The following OTUD7A variants were observed in gnomAD, a reference collection of about 807,000 sequenced individuals.
OTUD7A encodes OTU domain-containing protein 7A.
Under a neutral mutation model 65.7 loss-of-function variants are expected in OTUD7A, and 12 were observed. The observed-to-expected ratio is 0.18, with a 90% CI of 0.12 to 0.30. The LOEUF is 0.30. OTUD7A is among the 10% of genes least tolerant of loss of function. OTUD7A has a pLI of 1.00. For synonymous variants in OTUD7A, 641 were observed against 586.3 expected, an observed-to-expected ratio of 1.09 and a Z score of -1.35; for missense variants, 1,148 against 1,304.8, an observed-to-expected ratio of 0.88 and a Z score of 1.85.
chr15:31,624,930 G>A (rs982387945), intron 3 of OTUD7A, among the ~76,000 whole-genome samples: 9 of 152,134 alleles, frequency 5.9e-5, no homozygotes, highest in Admixed American at 1.3e-4. Flanking sequence ...CCCTCTGTGT[G>A]GCCCCCTCCA....
At position 31,483,301 on chromosome 15, in the gene OTUD7A, C is replaced by A; in HGVS notation, c.2795G>T (p.Arg932Leu). ...LRRRREARGA[R>L]P is the part of the protein sequence containing the mutation. ...CGCGCCGCGCCGCGCCGCTCAGGGCCGGGCCCCGCGCGCCTCGCGCCGCCG... is the reference window on the plus strand; with the variant it reads ...CGCGCCGCGCCGCGCCGCTCAGGGCAGGGCCCCGCGCGCCTCGCGCCGCCG... Residue 932 changes from arginine (R) to leucine (L), a missense_variant, in exon 13 of 13, where the codon CGG becomes CTG. Physicochemically the swap from Arg to Leu is moderately radical, Grantham distance 102. Around this residue, in one of 6 missense-constraint regions of OTUD7A, gnomAD observed 842 missense variants for 769.5 expected, o/e 1.09. Transcript: ENST00000307050. 8.5e-7 allele frequency: 1 copy of A among 1,174,138 alleles called. No individual in the cohort carries two copies. The highest frequency in any genetic ancestry group is 1.1e-6 in the Non-Finnish European group (1 of 949,960). The allele number at this position is 1,174,138 out of a possible 1,614,324, so 72.7% of individuals were successfully genotyped here.
intron 1 of OTUD7A, among the ~76,000 whole-genome samples, chr15:31,865,886 T>C (rs1456882588): frequency 5.9e-5 from 9 of 152,252 alleles, no homozygotes; most frequent in Admixed American, 5.9e-4. Flanking sequence ...TCTAATTTTA[T>C]ATTTCATAAA....
Position 31,487,314 on chromosome 15 carries a change from A to G in OTUD7A, c.1287-36T>C, listed in dbSNP as rs2041251784. 6.2e-7 allele frequency: 1 copy of G among 1,609,466 alleles called. No homozygotes were observed. The highest frequency in any genetic ancestry group is 8.5e-7 in the Non-Finnish European group (1 of 1,176,242). On this transcript the variant is annotated intron_variant, in intron 11 of 12. Transcript: ENST00000307050. This position sits in a 1 kb window ranked among gnomAD's most constrained non-coding sequence, Gnocchi z 6.0. Reference sequence around the variant, plus strand: ...AAGAATATCCTATTGAAATGGTCTGAGCTGGCCCTTATAGCACCCAGTCCA... The same window carrying G: ...AAGAATATCCTATTGAAATGGTCTGGGCTGGCCCTTATAGCACCCAGTCCA...
At chr15:31,828,347 CTG>C (rs1301622470) in intron 1 of OTUD7A, among the ~76,000 whole-genome samples, 1 of 151,880 alleles carries the variant, frequency 6.6e-6, no homozygotes, top group African/African-American at 2.4e-5. Flanking sequence ...GGACACATAA[CTG>C]TGTTTATTTC....
chr15:31,745,190 A>C (rs1185201589), intron 1 of OTUD7A, among the ~76,000 whole-genome samples: 2 of 152,162 alleles, frequency 1.3e-5, no homozygotes, highest in African/African-American at 4.8e-5. Flanking sequence ...GTAGAAACTG[A>C]CAAAATTATT....
At chr15:31,533,993 T>C (rs902995063) in intron 5 of OTUD7A, among the ~76,000 whole-genome samples, 1 of 152,232 alleles carries the variant, frequency 6.6e-6, no homozygotes, top group Non-Finnish European at 1.5e-5. Flanking sequence ...TATGTGTATA[T>C]AATGTAATAA....
At chr15:31,613,245 C>T (rs1367972826) in intron 3 of OTUD7A, among the ~76,000 whole-genome samples, 1 of 152,144 alleles carries the variant, frequency 6.6e-6, no homozygotes, top group East Asian at 1.9e-4. Context: ...GCAAGGATTT[C>T]ATGAGCAAGA....
chr15:31,786,572 T>A (rs1360991045), intron 1 of OTUD7A, among the ~76,000 whole-genome samples: 1 of 152,188 alleles, frequency 6.6e-6, no homozygotes. Context: ...CGTGTGGTGC[T>A]GTGGGATGTG....
In OTUD7A at chr15:31,484,769, C is replaced by G. The variant is rs1456727287; in HGVS notation, c.1372-45G>C. ...CGGATCGAAGGTGGTTAGAGAAGAGCTGTCCACGCGCCAGCGAGGAAGACA... is the reference window on the plus strand; with the variant it reads ...CGGATCGAAGGTGGTTAGAGAAGAGGTGTCCACGCGCCAGCGAGGAAGACA... On this transcript the variant is annotated intron_variant, in intron 12 of 12. Coordinates refer to ENST00000307050, the MANE Select transcript of OTUD7A (RefSeq NM_001382637.1). The surrounding 1 kb of genome is among the most constrained non-coding windows in gnomAD (Gnocchi z 4.5). 5 of 1,574,656 alleles carry G rather than the reference C, an allele frequency of 3.2e-6. No homozygotes were observed. Among genetic ancestry groups the G allele is most frequent in the Non-Finnish European group, 4.3e-6 (5 of 1,166,856 alleles).
intron 1 of OTUD7A, among the ~76,000 whole-genome samples, chr15:31,837,804 G>T (rs1046930535): frequency 1.6e-4 from 25 of 152,212 alleles, no homozygotes; most frequent in African/African-American, 6.0e-4. Context: ...GAAAGGCAAA[G>T]AAGTTGGAAT....
At chr15:31,508,813 G>T (rs2041625272) in intron 8 of OTUD7A, among the ~76,000 whole-genome samples, 1 of 152,248 alleles carries the variant, frequency 6.6e-6, no homozygotes, top group African/African-American at 2.4e-5. Context: ...GACGTCTTCT[G>T]CTCCATTTCT....
At chr15:31,781,683 G>A (rs1342834826) in intron 1 of OTUD7A, among the ~76,000 whole-genome samples, 1 of 152,122 alleles carries the variant, frequency 6.6e-6, no homozygotes, top group African/African-American at 2.4e-5. Flanking sequence ...CATAGTGATT[G>A]CAGCCTCAGG....
intron 3 of OTUD7A, among the ~76,000 whole-genome samples, chr15:31,652,490 G>A (rs1174288342): frequency 2.6e-5 from 4 of 152,182 alleles, no homozygotes; most frequent in African/African-American, 9.7e-5. Flanking sequence ...CAGTTGGAAC[G>A]CATCAGAATT....
chr15:31,623,130 G>T (rs554861190), intron 3 of OTUD7A, among the ~76,000 whole-genome samples: 1 of 152,226 alleles, frequency 6.6e-6, no homozygotes, highest in Non-Finnish European at 1.5e-5. Flanking sequence ...TGGAAGTTTC[G>T]TCTCAGAGGG....
At chr15:31,626,964 G>T (rs1890976486) in intron 3 of OTUD7A, among the ~76,000 whole-genome samples, 1 of 149,164 alleles carries the variant, frequency 6.7e-6, no homozygotes, top group African/African-American at 2.5e-5. Context: ...AAAAAAAAGT[G>T]CTAACAATCA....
chr15:31,640,399 C>G (rs1020039038), intron 3 of OTUD7A, among the ~76,000 whole-genome samples: 5 of 151,640 alleles, frequency 3.3e-5, no homozygotes, highest in African/African-American at 1.2e-4. Flanking sequence ...CAATAACCTA[C>G]GGAAATAAAA....
At chr15:31,776,009 A>G (rs1389504962) in intron 1 of OTUD7A, among the ~76,000 whole-genome samples, 1 of 152,220 alleles carries the variant, frequency 6.6e-6, no homozygotes, top group Non-Finnish European at 1.5e-5. Flanking sequence ...GAACATTTCC[A>G]GGGAAAGACA....
chr15:31,610,606 TATATATATATA>T (rs1243772777), intron 3 of OTUD7A, among the ~76,000 whole-genome samples: 1 of 46,786 alleles, frequency 2.1e-5, no homozygotes, highest in Non-Finnish European at 3.9e-5. Flanking sequence ...TATATATATA[TATATATATATA>T]TTTTTTTTTT....
At chr15:31,648,677 C>T (rs1374372577) in intron 3 of OTUD7A, among the ~76,000 whole-genome samples, 1 of 152,190 alleles carries the variant, frequency 6.6e-6, no homozygotes, top group African/African-American at 2.4e-5. Context: ...TTCAAGATGT[C>T]CTGTCTTTTT....
Sources: gnomAD v4.1 joint callset for allele counts (sites outside exome capture counted in the v4.1 genomes callset) on GRCh38, gnomAD v4.1.1 for gene constraint, gnomAD v4.1.1 regional missense constraint, Gnocchi (gnomAD v3.1) non-coding constraint, MANE v1.5 for transcripts, NCBI Gene and HGNC (gene_info 2026-07-23, HGNC 2026-07-21) for gene names.